TDRD9: variants seen among roughly 807,000 people sequenced by gnomAD.
TDRD9 encodes the protein ATP-dependent RNA helicase TDRD9.
TDRD9 carries 124 observed loss-of-function variants against 172.6 expected under a neutral mutation model. That is an observed-to-expected ratio of 0.72 (90% confidence interval 0.62 to 0.83). The LOEUF is 0.83. Ranked by LOEUF, TDRD9 falls within the 40% of genes least tolerant of loss-of-function variation. The pLI is 0.00. For synonymous variants in TDRD9, 619 were observed against 617.1 expected, an observed-to-expected ratio of 1.00 and a Z score of -0.05; for missense variants, 1,479 against 1,714.1, an observed-to-expected ratio of 0.86 and a Z score of 2.42.
chr14:103,985,761 G>A (rs1480187686), intron 7 of TDRD9, among the ~76,000 whole-genome samples: 2 of 152,100 alleles, frequency 1.3e-5, no homozygotes, highest in East Asian at 1.9e-4. Flanking sequence ...ACAGTTTTCT[G>A]GTACTTTTGA....
chr14:103,990,672 G>A (rs923829395), intron 8 of TDRD9, among the ~76,000 whole-genome samples: 8 of 152,196 alleles, frequency 5.3e-5, no homozygotes. Flanking sequence ...TTACACAGAG[G>A]AGGGCCTGGC....
intron 1 of TDRD9, among the ~76,000 whole-genome samples, chr14:103,937,218 C>T (rs561119587): frequency 1.4e-3 from 210 of 152,328 alleles, no homozygotes; most frequent in Non-Finnish European, 2.5e-3. Context: ...TGCATCTAGG[C>T]TTGGCGAGCG....
intron 9 of TDRD9, 113 bp from the exon 10 acceptor site, chr14:103,994,219 C>T (rs1036434447): frequency 5.6e-6 from 5 of 893,262 alleles, no homozygotes; most frequent in Non-Finnish European, 7.2e-6. Flanking sequence ...ATAAAGAAGT[C>T]AAATAAATTG....
At chr14:103,952,975 GGTGATCCACCC>G (rs1427798532) in intron 1 of TDRD9, among the ~76,000 whole-genome samples, 3 of 151,228 alleles carry the variant, frequency 2.0e-5, no homozygotes, top group African/African-American at 7.3e-5. Context: ...CCTGACCTCA[GGTGATCCACCC>G]GCCTCGACCT....
chr14:104,050,174 G>C (rs2035899623), intron 35 of TDRD9, among the ~76,000 whole-genome samples: 1 of 152,190 alleles, frequency 6.6e-6, no homozygotes, highest in African/African-American at 2.4e-5. Context: ...GGGTCCTTGT[G>C]AGGACCTCTG....
chr14:103,943,812 C>T (rs796488092), intron 1 of TDRD9, among the ~76,000 whole-genome samples: 10 of 152,246 alleles, frequency 6.6e-5, no homozygotes, highest in South Asian at 2.1e-4. Flanking sequence ...GAAGAGTAGA[C>T]GTTGTTTACA....
chr14:103,982,557 C>G (rs1249024232), intron 7 of TDRD9, among the ~76,000 whole-genome samples: 1 of 152,152 alleles, frequency 6.6e-6, no homozygotes, highest in East Asian at 1.9e-4. Context: ...CTGGCTGTTC[C>G]CTTTCAGTGT....
Position 104,026,880 on chromosome 14 carries a change from A to G in TDRD9, c.3223A>G (p.Arg1075Gly). 1 of 1,614,026 alleles carries G rather than the reference A, an allele frequency of 6.2e-7. No homozygotes were observed. Among genetic ancestry groups the G allele is most frequent in the Non-Finnish European group, 8.5e-7 (1 of 1,179,888 alleles). ...AGGGGTCCAGGATGCCATCAACATA[A>G]GAGACGTCCTCATCCAGCAGGGCTA... The part of the protein sequence containing the change: ...YSGVQDAINI[R>G]DVLIQQGYAE... Residue 1075 changes from arginine to glycine, a missense_variant, in exon 28 of 36, where the codon AGA becomes GGA. By Grantham distance (125) the Arg-to-Gly change is moderately radical (BLOSUM62 -2). Transcript: ENST00000409874.
At chr14:103,937,464 C>G (rs1164030352) in intron 1 of TDRD9, among the ~76,000 whole-genome samples, 11 of 152,132 alleles carry the variant, frequency 7.2e-5, no homozygotes, top group Admixed American at 6.6e-4. Flanking sequence ...CTAAAGCAGC[C>G]CTCCCCTCCC....
intron 6 of TDRD9, among the ~76,000 whole-genome samples, chr14:103,972,122 C>G (rs1032482793): frequency 1.3e-5 from 2 of 151,990 alleles, no homozygotes; most frequent in Non-Finnish European, 2.9e-5. Flanking sequence ...CCACTGCACT[C>G]CAGCCTGGGT....
At chr14:103,940,922 C>T (rs889148332) in intron 1 of TDRD9, 1 of 1,535,210 alleles carries the variant, frequency 6.5e-7, no homozygotes, top group African/African-American at 1.4e-5. Context: ...TCTTTGTCTG[C>T]CCTCTTGGAG....
intron 3 of TDRD9, 30 bp from the exon 4 acceptor site, chr14:103,965,303 T>C (rs996951212): frequency 6.5e-7 from 1 of 1,543,042 alleles, no homozygotes; most frequent in South Asian, 1.2e-5. Context: ...CATTTTGTGC[T>C]GATTTTGAAA....
intron 28 of TDRD9, among the ~76,000 whole-genome samples, chr14:104,030,319 C>T (rs2035243852): frequency 1.3e-5 from 2 of 152,264 alleles, no homozygotes. Flanking sequence ...ACGGTGAAAT[C>T]CCATCTCTAC....
At chr14:103,970,726 C>T in intron 6 of TDRD9, 105 bp downstream of exon 6, 1 of 835,656 alleles carries the variant, frequency 1.2e-6, no homozygotes. Flanking sequence ...TTCTGGGACC[C>T]CGGACAGATA....
chr14:103,940,267 C>G (rs1481236391), intron 1 of TDRD9, among the ~76,000 whole-genome samples: 1 of 152,116 alleles, frequency 6.6e-6, no homozygotes, highest in East Asian at 1.9e-4. Context: ...CTTAAAAGTA[C>G]TGTGATTAAA....
intron 7 of TDRD9, among the ~76,000 whole-genome samples, chr14:103,983,255 G>T (rs890817457): frequency 6.6e-6 from 1 of 151,720 alleles, no homozygotes; most frequent in Non-Finnish European, 1.5e-5. Context: ...TAGAGATGGG[G>T]TTTCACCATG....
rs1942651736 is a variant in TDRD9, at chr14:103,939,746, T to TTTTTTTTTTTG, written c.215+11032_215+11033insGTTTTTTTTTT. 2 of 101,946 alleles carry TTTTTTTTTTTG rather than the reference T, an allele frequency of 2.0e-5. 1 individual carries two copies. The highest frequency in any genetic ancestry group is 4.2e-5 in the Non-Finnish European group (2 of 47,790). The allele number at this position is 101,946 out of a possible 1,614,324, so 6.3% of individuals were successfully genotyped here. A position where few individuals can be genotyped will look rare whatever the true frequency, so the allele number is the denominator to read the frequency against. Reference sequence around the variant, plus strand: ...TCTAGTCTTTTTGAAAAAAAGTGTTTTTTTTTTTTTTTTTTTTTGAGACAA... The same window carrying TTTTTTTTTTTG: ...TCTAGTCTTTTTGAAAAAAAGTGTTTTTTTTTTTTTGTTTTTTTTTTTTTTTTTTGAGACAA... On this transcript the variant is annotated intron_variant, in intron 1 of 35. Coordinates refer to ENST00000409874, the MANE Select transcript of TDRD9 (RefSeq NM_153046.3).
intron 34 of TDRD9, among the ~76,000 whole-genome samples, chr14:104,048,498 G>A (rs1434004149): frequency 6.6e-6 from 1 of 152,154 alleles, no homozygotes; most frequent in Non-Finnish European, 1.5e-5. Flanking sequence ...CTTAGCCAGT[G>A]ATCAATCAAA....
At chr14:103,958,411 G>A (rs1008880744) in intron 2 of TDRD9, among the ~76,000 whole-genome samples, 7 of 152,120 alleles carry the variant, frequency 4.6e-5, no homozygotes, top group African/African-American at 1.7e-4. Context: ...GGAGGGCTGG[G>A]CAGGGTCAGC....
Sources: gnomAD v4.1 joint callset for allele counts (sites outside exome capture counted in the v4.1 genomes callset) on GRCh38, gnomAD v4.1.1 for gene constraint, MANE v1.5 for transcripts, NCBI Gene and HGNC (gene_info 2026-07-23, HGNC 2026-07-21) for gene names.